PECR: variants seen among roughly 807,000 people sequenced by gnomAD.
The protein encoded by PECR is peroxisomal trans-2-enoyl-CoA reductase.
PECR carries 30 observed loss-of-function variants against 35.3 expected under a neutral mutation model. The observed-to-expected ratio is 0.85, with a 90% CI of 0.64 to 1.15. The LOEUF (loss-of-function observed/expected upper bound fraction) is 1.15, where lower values mean the gene tolerates loss of function less well. Ranked by LOEUF, PECR falls within the 50% of genes most tolerant of loss-of-function variation. The pLI is 0.00. For synonymous variants in PECR, 148 were observed against 138.9 expected (o/e 1.07, Z -0.46); for missense variants, 392 against 370.8 (o/e 1.06, Z -0.47).
At chr2:216,031,417 GAAGA>G (rs1373147409) in intron 7 of PECR, among the ~76,000 whole-genome samples, 1 of 133,390 alleles carries the variant, frequency 7.5e-6, no homozygotes, top group Non-Finnish European at 1.6e-5. Flanking sequence ...AGGAAGAAAG[GAAGA>G]AAGAAAGAAA....
rs61194892 is a variant in PECR, at chr2:216,055,434, T to C, written c.506+3461A>G. Among the ~76,000 whole-genome samples the C allele has an allele frequency of 9.5e-3, 692 of 73,196 alleles. 11 individuals are homozygous for C. Among genetic ancestry groups the C allele is most frequent in the African/African-American group, 0.037 (651 of 17,590 alleles). 48.0% of individuals were successfully genotyped at this position (73,196 alleles called of 152,430 possible). ...CCTGGGCAACAAGAACAAAATTCCA[T>C]CTCAAAAAAAAAAAACAAAAAAACA... On this transcript the variant is annotated intron_variant, in intron 4 of 7. Transcript: ENST00000265322.
At chr2:216,066,820 T>G (rs1430076517) in intron 1 of PECR, among the ~76,000 whole-genome samples, 1 of 152,178 alleles carries the variant, frequency 6.6e-6, no homozygotes, top group East Asian at 1.9e-4. Context: ...CCCAAAGTTC[T>G]GGGACTACAG....
At chr2:216,033,993 T>C (rs1694752773), downstream of PECR, 1 of 152,234 alleles carries the variant, frequency 6.6e-6, no homozygotes, top group African/African-American at 2.4e-5. Flanking sequence ...ATCTTCCCGC[T>C]GGTTGATCTT....
At chr2:216,033,642 C>T (rs921473833), downstream of PECR, 1 of 152,372 alleles carries the variant, frequency 6.6e-6, no homozygotes. Context: ...TCAAGGAGAA[C>T]AAGTCTGAAG....
chr2:216,045,628 G>T (rs1468869184), intron 6 of PECR, among the ~76,000 whole-genome samples: 5 of 152,224 alleles, frequency 3.3e-5, no homozygotes, highest in Non-Finnish European at 2.9e-5. Flanking sequence ...GGCTGGTATA[G>T]AATTCACTAT....
At chr2:216,031,520 G>A (rs57711032) in intron 7 of PECR, among the ~76,000 whole-genome samples, 15 of 138,438 alleles carry the variant, frequency 1.1e-4, no homozygotes, top group Admixed American at 1.5e-4. Flanking sequence ...AGGAAGGAAG[G>A]GAAAAGAAAA....
At chr2:216,051,103 T>G (rs988435362) in intron 5 of PECR, among the ~76,000 whole-genome samples, 8 of 150,588 alleles carry the variant, frequency 5.3e-5, no homozygotes, top group Non-Finnish European at 1.2e-4. Context: ...CAGGGCAATA[T>G]GGTGAAAACC....
At chr2:216,058,196 ATTTGCTGTGCTAACAAC>A (rs1695265701) in intron 4 of PECR, among the ~76,000 whole-genome samples, 1 of 152,076 alleles carries the variant, frequency 6.6e-6, no homozygotes, top group Non-Finnish European at 1.5e-5. Context: ...GGGCTGGATA[ATTTGCTGTGCTAACAAC>A]TTCTCCCAAG....
chr2:216,067,955 G>A (rs941299651), intron 1 of PECR, among the ~76,000 whole-genome samples: 18 of 151,952 alleles, frequency 1.2e-4, no homozygotes, highest in African/African-American at 3.1e-4. Context: ...CAGGCCGGAC[G>A]CAGTGGCTCA....
At chr2:216,075,911 T>C (rs1695688198) in intron 1 of PECR, among the ~76,000 whole-genome samples, 1 of 152,252 alleles carries the variant, frequency 6.6e-6, no homozygotes, top group South Asian at 2.1e-4. Context: ...TATGTTCTAC[T>C]GTAGTAACAG....
chr2:216,030,000 G>T (rs1365839636), intron 7 of PECR, among the ~76,000 whole-genome samples: 4 of 152,146 alleles, frequency 2.6e-5, no homozygotes, highest in African/African-American at 9.7e-5. Flanking sequence ...TGGTGGACCA[G>T]TCTCCCACTG....
At chr2:216,074,529 G>A (rs183364619) in intron 1 of PECR, among the ~76,000 whole-genome samples, 9 of 119,616 alleles carry the variant, frequency 7.5e-5, no homozygotes, top group East Asian at 2.5e-4. Flanking sequence ...AGGAAGGAAG[G>A]AAGGAAGGAA....
chr2:216,058,480 T>C (rs1007431052), intron 4 of PECR, among the ~76,000 whole-genome samples: 10 of 152,132 alleles, frequency 6.6e-5, no homozygotes, highest in Non-Finnish European at 1.3e-4. Flanking sequence ...AACTTAGCAG[T>C]CCTGTGTAAA....
At position 216,066,492 on chromosome 2, in the gene PECR, T is replaced by C. The variant is rs1404335697; in HGVS notation, c.151A>G (p.Lys51Glu). Reference sequence around the variant, plus strand: ...GCCGCAGACTTCAATCTCTCCAACTTACGGGATGCAATGACCACATTACTC... The same window carrying C: ...GCCGCAGACTTCAATCTCTCCAACTCACGGGATGCAATGACCACATTACTC... ...LGSNVVIASR[K>E]LERLKSAADE... The change falls in exon 2 of 8, where the codon AAG becomes GAG. Residue 51 changes from lysine to glutamate, a missense_variant. Coordinates refer to ENST00000265322, the MANE Select transcript of PECR (RefSeq NM_018441.6). The C allele has an allele frequency of 1.2e-6, 2 of 1,613,954 alleles. No individual in the cohort carries two copies. Among genetic ancestry groups the C allele is most frequent in the African/African-American group, 2.7e-5 (2 of 74,932 alleles).
chr2:216,054,371 C>CTTTTTT (rs34214360), intron 4 of PECR, among the ~76,000 whole-genome samples: 2 of 102,780 alleles, frequency 1.9e-5, no homozygotes, highest in Admixed American at 1.2e-4. Flanking sequence ...TTTTTTCTTT[C>CTTTTTT]TTTTTTTTTT....
chr2:216,051,514 T>C lies in PECR; in HGVS notation c.538A>G (p.Asn180Asp). The change falls in exon 5 of 8, where the codon AAC becomes GAC. Residue 180 changes from asparagine (N) to aspartate (D), a missense_variant. Coordinates refer to ENST00000265322, the MANE Select transcript of PECR (RefSeq NM_018441.6). ...TCCAAAGCTAAAGATTTGGTGAGGT[T>C]GTAAACACCTGCTCTTGCAGCTCCA... ...HSGAARAGVY[N>D]LTKSLALEWA... is the part of the protein sequence containing the mutation. 1 of 1,612,096 alleles carries C rather than the reference T, an allele frequency of 6.2e-7. No individual in the cohort carries two copies. The highest frequency in any genetic ancestry group is 8.5e-7 in the Non-Finnish European group (1 of 1,178,118).
intron 1 of PECR, among the ~76,000 whole-genome samples, chr2:216,080,994 C>T (rs892045072): frequency 1.3e-5 from 2 of 152,164 alleles, no homozygotes; most frequent in African/African-American, 4.8e-5. Flanking sequence ...TATCTCAAAA[C>T]CAACAAACAA....
chr2:216,061,222 G>A (rs935980855), intron 3 of PECR, among the ~76,000 whole-genome samples: 14 of 137,668 alleles, frequency 1.0e-4, no homozygotes, highest in African/African-American at 3.5e-4. Flanking sequence ...GGAGGTGGAA[G>A]AATCGATTGA....
chr2:216,044,187 T>TCTACAAC, intron 6 of PECR, among the ~76,000 whole-genome samples, 172 bp from the exon 7 acceptor site: 1 of 152,182 alleles, frequency 6.6e-6, no homozygotes, highest in South Asian at 2.1e-4. Flanking sequence ...TTTCCTACAA[T>TCTACAAC]TTCCCTTTCT....
Sources: gnomAD v4.1 joint callset for allele counts (sites outside exome capture counted in the v4.1 genomes callset) on GRCh38, gnomAD v4.1.1 for gene constraint, MANE v1.5 for transcripts, NCBI Gene and HGNC (gene_info 2026-07-23, HGNC 2026-07-21) for gene names.